Variants in HS6ST3 observed in about 807,000 individuals in gnomAD.
HS6ST3 encodes the protein heparan sulfate 6-O-sulfotransferase 3.
HS6ST3 carries 12 observed loss-of-function variants against 36.7 expected under a neutral mutation model. That is an observed-to-expected ratio of 0.33 (90% CI 0.21 to 0.53). The LOEUF (loss-of-function observed/expected upper bound fraction) is 0.53, where lower values mean the gene tolerates loss of function less well. Ranked by LOEUF, HS6ST3 falls within the 20% of genes least tolerant of loss-of-function variation. The pLI, the probability that HS6ST3 is intolerant of heterozygous loss-of-function variation, is 0.95. For synonymous variants in HS6ST3, 240 were observed against 257.5 expected (o/e 0.93, Z 0.65); for missense variants, 584 against 640.9 (o/e 0.91, Z 0.96).
At chr13:96,550,759 A>G (rs981199578) in intron 1 of HS6ST3, among the ~76,000 whole-genome samples, 1 of 151,414 alleles carries the variant, frequency 6.6e-6, no homozygotes, top group African/African-American at 2.4e-5. Context: ...TCAGTTTTAG[A>G]TGAGTAAGTA....
chr13:96,346,458 T>C (rs1054805376), intron 1 of HS6ST3, among the ~76,000 whole-genome samples: 56 of 151,592 alleles, frequency 3.7e-4, no homozygotes, highest in Non-Finnish European at 5.9e-4. Flanking sequence ...CCTGTAGTCC[T>C]AGCTACATTG....
At chr13:96,583,284 G>T (rs1399804639) in intron 1 of HS6ST3, among the ~76,000 whole-genome samples, 2 of 117,428 alleles carry the variant, frequency 1.7e-5, no homozygotes, top group East Asian at 5.9e-4. Context: ...TGCCATCTCG[G>T]CTCACTGCAA....
intron 1 of HS6ST3, among the ~76,000 whole-genome samples, chr13:96,151,394 A>T (rs1307338774): frequency 7.9e-6 from 1 of 126,042 alleles, no homozygotes; most frequent in East Asian, 2.4e-4. Flanking sequence ...GCAGAGCAAG[A>T]CTCCATCTTG....
chr13:96,389,058 A>G (rs1030508603), intron 1 of HS6ST3, among the ~76,000 whole-genome samples: 1 of 152,208 alleles, frequency 6.6e-6, no homozygotes, highest in Admixed American at 6.5e-5. Context: ...AATATTTGAT[A>G]AACTCATTGA....
intron 1 of HS6ST3, among the ~76,000 whole-genome samples, chr13:96,673,310 C>A (rs2056688374): frequency 6.6e-6 from 1 of 152,128 alleles, no homozygotes; most frequent in Admixed American, 6.6e-5. Flanking sequence ...TTGCAAAGAT[C>A]CTTTTCCCAA....
chr13:96,790,974 A>G (rs1285304639), intron 1 of HS6ST3, among the ~76,000 whole-genome samples: 1 of 151,950 alleles, frequency 6.6e-6, no homozygotes, highest in Non-Finnish European at 1.5e-5. Flanking sequence ...ATGTGCTTTG[A>G]TTTTCTAAGT....
chr13:96,630,307 A>T (rs1354242131), intron 1 of HS6ST3, among the ~76,000 whole-genome samples: 1 of 152,116 alleles, frequency 6.6e-6, no homozygotes, highest in African/African-American at 2.4e-5. Context: ...GGACCATTTG[A>T]TCTACAGCTT....
intron 1 of HS6ST3, among the ~76,000 whole-genome samples, chr13:96,304,718 T>C (rs1358203573): frequency 8.7e-5 from 12 of 138,338 alleles, no homozygotes; most frequent in Admixed American, 2.9e-4. Context: ...TTTCTTTTTT[T>C]TTTTTTTTTT....
At chr13:96,179,238 AC>A (rs2139338976) in intron 1 of HS6ST3, among the ~76,000 whole-genome samples, 1 of 152,240 alleles carries the variant, frequency 6.6e-6, no homozygotes, top group South Asian at 2.1e-4. Context: ...AACAGATGGG[AC>A]CCCATTTAAT....
intron 1 of HS6ST3, among the ~76,000 whole-genome samples, chr13:96,250,519 T>C (rs950728946): frequency 4.6e-5 from 7 of 152,182 alleles, no homozygotes; most frequent in African/African-American, 1.7e-4. Flanking sequence ...CAAGCAATGC[T>C]TGCAGTCAAC....
intron 1 of HS6ST3, among the ~76,000 whole-genome samples, chr13:96,138,238 T>C (rs2054012161): frequency 6.6e-6 from 1 of 152,146 alleles, no homozygotes; most frequent in African/African-American, 2.4e-5. Flanking sequence ...ATATTCTTTT[T>C]GAAATAAAGT....
intron 1 of HS6ST3, among the ~76,000 whole-genome samples, chr13:96,540,678 CCTTCA>C (rs1371070383): frequency 1.3e-5 from 2 of 152,180 alleles, no homozygotes; most frequent in Non-Finnish European, 2.9e-5. Flanking sequence ...AATGCCAGTT[CCTTCA>C]CTTCATTCTG....
intron 1 of HS6ST3, among the ~76,000 whole-genome samples, chr13:96,796,696 T>C (rs1360650732): frequency 6.6e-6 from 1 of 152,086 alleles, no homozygotes; most frequent in Non-Finnish European, 1.5e-5. Context: ...TGCAGGTTTA[T>C]TGTCAAAAAT....
chr13:96,490,134 A>G (rs1425886289), intron 1 of HS6ST3, among the ~76,000 whole-genome samples: 1 of 152,180 alleles, frequency 6.6e-6, no homozygotes, highest in African/African-American at 2.4e-5. Flanking sequence ...ATTACAAGCA[A>G]TGGTACTAGT....
intron 1 of HS6ST3, among the ~76,000 whole-genome samples, chr13:96,311,571 G>A (rs553983442): frequency 7.9e-5 from 12 of 152,258 alleles, no homozygotes; most frequent in African/African-American, 2.2e-4. Flanking sequence ...TAAAATGAAT[G>A]CCCAAGTGTT....
chr13:96,833,299 C>CTG lies in HS6ST3; in HGVS notation c.*108_*109dup, dbSNP rs1878851542. On this transcript the variant is annotated 3_prime_UTR_variant, in exon 2 of 2. Transcript: ENST00000376705. ...GCTGAGCCATTCTGAGGACATCTGGCTGTGTGTGCTTGATTTGGACATCTT... is the reference window on the plus strand; with the variant it reads ...GCTGAGCCATTCTGAGGACATCTGGCTGTGTGTGTGCTTGATTTGGACATCTT... 1 of 835,824 alleles carries CTG rather than the reference C, an allele frequency of 1.2e-6. No individual in the cohort carries two copies. Among genetic ancestry groups the CTG allele is most frequent in the African/African-American group, 1.7e-5 (1 of 58,186 alleles). 51.8% of individuals were successfully genotyped at this position (835,824 alleles called of 1,614,324 possible).
chr13:96,142,996 A>G (rs1235819339), intron 1 of HS6ST3, among the ~76,000 whole-genome samples: 3 of 152,074 alleles, frequency 2.0e-5, no homozygotes, highest in Non-Finnish European at 4.4e-5. Flanking sequence ...TACATATTTT[A>G]CCTCCCCCAA....
At chr13:96,436,913 A>T (rs998622196) in intron 1 of HS6ST3, among the ~76,000 whole-genome samples, 1 of 152,146 alleles carries the variant, frequency 6.6e-6, no homozygotes, top group Non-Finnish European at 1.5e-5. Flanking sequence ...ATTCAAATAC[A>T]TTTATTGGTA....
In HS6ST3 at chr13:96,110,377, C is replaced by G. The variant is rs118035534; in HGVS notation, c.707+18808C>G. ...ACCCACCCCCATGACCCAAACACCC[C>G]CCTCCAGGCCTCACCTTGAACATAG... is the stretch of plus-strand genomic sequence containing the variant. On this transcript the variant is annotated intron_variant, in intron 1 of 1. Coordinates refer to ENST00000376705, the MANE Select transcript of HS6ST3 (RefSeq NM_153456.4). 3.6e-4 allele frequency among the ~76,000 whole-genome samples: 55 copies of G among 151,802 alleles called. No individual in the cohort carries two copies. The East Asian group carries it at 6.4e-3, about 18-fold the overall frequency.
Sources: allele counts gnomAD v4.1 joint callset (sites outside exome capture counted in the v4.1 genomes callset), GRCh38; gene constraint gnomAD v4.1.1; transcripts MANE v1.5; gene names NCBI Gene and HGNC (gene_info 2026-07-23, HGNC 2026-07-21).